The following CCNYL1 variants were observed in gnomAD, a reference collection of about 807,000 sequenced individuals.
CCNYL1 encodes the protein cyclin Y like 1.
CCNYL1 carries 16 observed loss-of-function variants against 44.2 expected under a neutral mutation model. That is an observed-to-expected ratio of 0.36 (90% CI 0.25 to 0.55). The LOEUF is 0.55. Ranked by LOEUF, CCNYL1 falls within the 20% of genes least tolerant of loss-of-function variation. CCNYL1 has a pLI of 0.85. For synonymous variants in CCNYL1, 159 were observed against 163.2 expected, an observed-to-expected ratio of 0.97 and a Z score of 0.20; for missense variants, 348 against 451.8, an observed-to-expected ratio of 0.77 and a Z score of 2.08.
chr2:207,741,744 G>A (rs530191974), intron 6 of CCNYL1, among the ~76,000 whole-genome samples: 1 of 152,074 alleles, frequency 6.6e-6, no homozygotes, highest in African/African-American at 2.4e-5. Flanking sequence ...TACTCAGGAG[G>A]CTGAGGCAGG....
intron 1 of CCNYL1, among the ~76,000 whole-genome samples, chr2:207,719,435 G>A (rs375773879): frequency 1.3e-5 from 2 of 151,752 alleles, no homozygotes; most frequent in South Asian, 2.1e-4. Flanking sequence ...TGAGTAGCTG[G>A]GACTACAGGC....
chr2:207,732,359 A>G (rs1490418361), intron 3 of CCNYL1, among the ~76,000 whole-genome samples: 1 of 152,212 alleles, frequency 6.6e-6, no homozygotes, highest in Non-Finnish European at 1.5e-5. Flanking sequence ...ACTTTTTGTT[A>G]GTAAGAATTA....
intron 3 of CCNYL1, 75 bp downstream of exon 3, chr2:207,726,951 T>G: frequency 9.5e-7 from 1 of 1,054,788 alleles, no homozygotes; most frequent in Non-Finnish European, 1.3e-6. Context: ...CATAAAAATA[T>G]AATGGGGACC....
chr2:207,733,968 A>G lies in CCNYL1; in HGVS notation c.352A>G (p.Lys118Glu), dbSNP rs1488921105. The change falls in exon 4 of 10, where the codon AAA (lysine) becomes GAA (glutamate). Residue 118 changes from lysine to glutamate, a missense_variant. Lys to Glu is a moderately conservative substitution (Grantham distance 56). Coordinates refer to ENST00000295414, the MANE Select transcript of CCNYL1 (RefSeq NM_001330218.2). ...TCAGGTATCTCCAGGGCAGCTTACT[A>G]AAAAGTATAGCTCATGCTCAACAAT... ...LNHVSPGQLT[K>E]KYSSCSTIFL... 6.2e-7 allele frequency: 1 copy of G among 1,612,388 alleles called. No individual in the cohort carries two copies. The highest frequency in any genetic ancestry group is 1.3e-5 in the African/African-American group (1 of 74,898).
intron 3 of CCNYL1, among the ~76,000 whole-genome samples, chr2:207,729,230 A>G (rs1170304562): frequency 5.8e-5 from 8 of 138,648 alleles, no homozygotes; most frequent in African/African-American, 2.3e-4. Flanking sequence ...GTGTTTCTGC[A>G]TTGATCTTTA....
intron 1 of CCNYL1, 150 bp downstream of exon 1, chr2:207,712,266 C>T (rs929649621): frequency 6.6e-6 from 4 of 610,402 alleles, no homozygotes; most frequent in Admixed American, 6.6e-5. Flanking sequence ...CGTCCCCACC[C>T]CTTATTCTTG....
Position 207,742,436 on chromosome 2 carries a change from T to G in CCNYL1, c.639+94T>G, listed in dbSNP as rs1352638970. The G allele has an allele frequency of 1.2e-5, 14 of 1,165,302 alleles. 1 individual carries two copies. The East Asian group carries it at 3.2e-4, about 27-fold the overall frequency. 72.2% of individuals were successfully genotyped at this position (1,165,302 alleles called of 1,614,324 possible). ...TCAAATAAAAATAGGTTCCTGAAAT[T>G]ATCATCAGAACTTTAAGAGAAACCT... On this transcript the variant is annotated intron_variant, in intron 7 of 9. Transcript: ENST00000295414.
chr2:207,730,395 G>C (rs909099101), intron 3 of CCNYL1, among the ~76,000 whole-genome samples: 6 of 152,206 alleles, frequency 3.9e-5, no homozygotes, highest in Middle Eastern at 3.4e-3. Context: ...CTCTCTGTAG[G>C]CACTAAAGTT....
intron 1 of CCNYL1, among the ~76,000 whole-genome samples, chr2:207,713,654 A>C (rs528385456): frequency 6.6e-6 from 1 of 152,220 alleles, no homozygotes; most frequent in Admixed American, 6.5e-5. Context: ...TTTCATTACT[A>C]TAGAAGAAAT....
chr2:207,726,758 A>G, intron 2 of CCNYL1, 84 bp from the exon 3 acceptor site: 1 of 835,756 alleles, frequency 1.2e-6, no homozygotes, highest in East Asian at 2.8e-5. Context: ...CTCATTTTGT[A>G]TATTGTTAAT....
intron 5 of CCNYL1, among the ~76,000 whole-genome samples, chr2:207,738,244 C>T (rs1286958795): frequency 2.0e-5 from 3 of 151,582 alleles, no homozygotes; most frequent in Non-Finnish European, 4.4e-5. Context: ...TTTTTTGAGA[C>T]GGAGTCTTGT....
At chr2:207,726,814 T>C in intron 2 of CCNYL1, 28 bp from the exon 3 acceptor site, 1 of 1,533,156 alleles carries the variant, frequency 6.5e-7, no homozygotes, top group South Asian at 1.2e-5. Context: ...TGTATCAGAA[T>C]TGATCAGCTA....
intron 3 of CCNYL1, among the ~76,000 whole-genome samples, chr2:207,727,463 C>T (rs545117391): frequency 6.6e-6 from 1 of 152,268 alleles, no homozygotes; most frequent in East Asian, 1.9e-4. Flanking sequence ...TCTTCCTAGC[C>T]TCCACTAGCT....
chr2:207,738,361 C>T (rs1021637270), intron 5 of CCNYL1, among the ~76,000 whole-genome samples: 2 of 152,104 alleles, frequency 1.3e-5, no homozygotes, highest in Non-Finnish European at 2.9e-5. Flanking sequence ...GGTGGGGTTA[C>T]AGGCGCATGC....
At chr2:207,726,618 C>G (rs1463846692) in intron 2 of CCNYL1, among the ~76,000 whole-genome samples, 1 of 152,090 alleles carries the variant, frequency 6.6e-6, no homozygotes, top group Non-Finnish European at 1.5e-5. Context: ...TCTTTCATTT[C>G]CATGTAATAG....
intron 3 of CCNYL1, among the ~76,000 whole-genome samples, chr2:207,727,964 C>CTT (rs535485306): frequency 1.7e-4 from 24 of 141,016 alleles, no homozygotes; most frequent in African/African-American, 2.1e-4. Flanking sequence ...CTCTCTCTCT[C>CTT]TTTTTTTTTT....
Position 207,726,693 on chromosome 2 carries a change from C to T in CCNYL1, c.296-149C>T, listed in dbSNP as rs2091682466. 6 of 517,222 alleles carry T rather than the reference C, an allele frequency of 1.2e-5. No individual in the cohort carries two copies. In the South Asian group the frequency reaches 1.7e-4, roughly 15 times the overall value. 32.0% of individuals were successfully genotyped at this position (517,222 alleles called of 1,614,324 possible). A position where few individuals can be genotyped will look rare whatever the true frequency, so the allele number is the denominator to read the frequency against. Reference sequence around the variant, plus strand: ...TTTTATTTTATGGGATTCATCTTGCCAGATGATTTAAATGATGAATTTTGT... The same window carrying T: ...TTTTATTTTATGGGATTCATCTTGCTAGATGATTTAAATGATGAATTTTGT... On this transcript the variant is annotated intron_variant, in intron 2 of 9. Coordinates refer to ENST00000295414, the MANE Select transcript of CCNYL1 (RefSeq NM_001330218.2).
At chr2:207,752,171 A>C (rs2091898048) in intron 9 of CCNYL1, among the ~76,000 whole-genome samples, 1 of 152,180 alleles carries the variant, frequency 6.6e-6, no homozygotes, top group Non-Finnish European at 1.5e-5. Context: ...CAGTCCCATG[A>C]GTTTTTTAGA....
intron 1 of CCNYL1, among the ~76,000 whole-genome samples, chr2:207,713,983 T>C (rs1353923586): frequency 2.0e-5 from 3 of 152,200 alleles, no homozygotes; most frequent in Admixed American, 6.5e-5. Flanking sequence ...CCACCCAGTG[T>C]ACATGAAAAT....
Sources: allele counts gnomAD v4.1 joint callset (sites outside exome capture counted in the v4.1 genomes callset), GRCh38; gene constraint gnomAD v4.1.1; transcripts MANE v1.5; gene names NCBI Gene and HGNC (gene_info 2026-07-23, HGNC 2026-07-21).